The following TRIQK variants were observed in gnomAD, a reference collection of about 807,000 sequenced individuals.
TRIQK encodes the protein triple QxxK/R motif-containing protein.
A neutral mutation model predicts 10.8 loss-of-function variants in TRIQK; 10 were observed. That is an observed-to-expected ratio of 0.92 (90% confidence interval 0.57 to 1.57). The LOEUF (loss-of-function observed/expected upper bound fraction) is 1.57. Among genes scored for constraint, TRIQK ranks in the 40% most tolerant of loss-of-function variants. TRIQK has a pLI of 0.00. For missense variants in TRIQK, 107 were observed against 97.7 expected, an observed-to-expected ratio of 1.09 and a Z score of -0.40; for synonymous variants, 33 against 33.7, an observed-to-expected ratio of 0.98 and a Z score of 0.07.
intron 1 of TRIQK, among the ~76,000 whole-genome samples, chr8:92,990,713 A>C (rs1356751475): frequency 1.3e-5 from 2 of 152,022 alleles, no homozygotes; most frequent in South Asian, 2.1e-4. Context: ...AGGATGGTGC[A>C]CTCCGGCCCC....
chr8:92,959,521 AC>A (rs1193182675), intron 1 of TRIQK, among the ~76,000 whole-genome samples: 1 of 146,986 alleles, frequency 6.8e-6, no homozygotes, highest in Non-Finnish European at 1.5e-5. Context: ...ACACACACAC[AC>A]AAAATGGCTT....
rs138613795 is a variant in TRIQK at position 92,961,375 on chromosome 8, G to GA, written c.-181+4631dup. 2.9e-4 allele frequency among the ~76,000 whole-genome samples: 43 copies of GA among 148,780 alleles called. 1 individual carries two copies. Among genetic ancestry groups the GA allele is most frequent in the East Asian group, 2.7e-3 (14 of 5,106 alleles). On this transcript the variant is annotated intron_variant, in intron 1 of 4. Transcript: ENST00000521988. ...TTTTAAAACTGTACCTTCCCATCCT[G>GA]AAAAAAAAAATCTGATATACCTCCT...
intron 1 of TRIQK, among the ~76,000 whole-genome samples, chr8:92,986,655 G>A (rs1030460069): frequency 2.1e-4 from 32 of 152,164 alleles, no homozygotes; most frequent in African/African-American, 7.0e-4. Flanking sequence ...ATACTTTCTC[G>A]GGGCCAAATC....
intron 3 of TRIQK, among the ~76,000 whole-genome samples, chr8:92,896,113 T>G (rs1036184189): frequency 2.6e-5 from 4 of 152,096 alleles, no homozygotes; most frequent in Admixed American, 1.3e-4. Context: ...AAGGGCAACA[T>G]CTCCAGAGAG....
At chr8:92,899,986 A>C (rs1408858383) in intron 3 of TRIQK, among the ~76,000 whole-genome samples, 3 of 151,998 alleles carry the variant, frequency 2.0e-5, no homozygotes, top group Non-Finnish European at 4.4e-5. Flanking sequence ...TTTGATTTTC[A>C]TTTCTCTAAT....
chr8:93,006,726 G>A (rs887067998), intron 1 of TRIQK, among the ~76,000 whole-genome samples: 10 of 152,156 alleles, frequency 6.6e-5, no homozygotes, highest in Middle Eastern at 3.2e-3. Flanking sequence ...CCAGCACAGC[G>A]GCTGTGGCCC....
intron 1 of TRIQK, among the ~76,000 whole-genome samples, chr8:93,017,110 GGAGAGAGAGAGAGAGAGA>G (rs3062508): frequency 0.03 from 2,777 of 93,366 alleles, 70 homozygotes; most frequent in Non-Finnish European, 0.032. Flanking sequence ...ATATATACTT[GGAGAGAGAGAGAGAGAGA>G]GAGAGAGAGA....
rs537734890 is a variant in TRIQK at position 92,913,432 on chromosome 8, A to C, written c.61+3497T>G. Among the ~76,000 whole-genome samples the C allele has an allele frequency of 1.7e-3, 258 of 152,252 alleles. 2 individuals are homozygous for C. The highest frequency in any genetic ancestry group is 5.8e-3 in the African/African-American group (243 of 41,578). ...AACCACAGTGAGACACCATCTCATG[A>C]CAGTCAGAATGGCAATCATTAAAAA... On this transcript the variant is annotated intron_variant, in intron 3 of 4. Coordinates refer to ENST00000521988, the MANE Select transcript of TRIQK (RefSeq NM_001171797.2).
chr8:92,961,600 C>T (rs185952415), intron 1 of TRIQK, among the ~76,000 whole-genome samples: 65 of 152,336 alleles, frequency 4.3e-4, no homozygotes, highest in African/African-American at 1.5e-3. Context: ...CAATACAGTG[C>T]ACCTTCCACC....
At chr8:92,953,194 T>C (rs1163665832) in intron 2 of TRIQK, among the ~76,000 whole-genome samples, 1 of 152,022 alleles carries the variant, frequency 6.6e-6, no homozygotes, top group Non-Finnish European at 1.5e-5. Context: ...ATCCATTTCC[T>C]TTGTAAACTA....
chr8:93,010,858 C>T (rs896918741), intron 1 of TRIQK, among the ~76,000 whole-genome samples: 4 of 152,082 alleles, frequency 2.6e-5, no homozygotes, highest in Admixed American at 6.5e-5. Context: ...TAATTGTACA[C>T]ATATATGCTT....
At chr8:92,927,317 T>C (rs13439759) in intron 2 of TRIQK, among the ~76,000 whole-genome samples, 35,777 of 151,926 alleles carry the variant, frequency 0.24, 4,975 homozygotes, top group African/African-American at 0.39. Flanking sequence ...CTTGATGTTC[T>C]ACGGTATCTA....
intron 1 of TRIQK, among the ~76,000 whole-genome samples, chr8:93,008,698 G>A (rs1289190592): frequency 1.3e-5 from 2 of 152,120 alleles, no homozygotes; most frequent in Non-Finnish European, 2.9e-5. Context: ...ACACCCAACC[G>A]ATTTTCCATA....
chr8:92,986,764 G>A (rs1366963199), intron 1 of TRIQK, among the ~76,000 whole-genome samples: 1 of 152,138 alleles, frequency 6.6e-6, no homozygotes, highest in African/African-American at 2.4e-5. Flanking sequence ...CAAAATCGAT[G>A]TTCTGCAATG....
At chr8:92,910,292 T>C (rs997187507) in intron 3 of TRIQK, among the ~76,000 whole-genome samples, 6 of 151,268 alleles carry the variant, frequency 4.0e-5, no homozygotes, top group Non-Finnish European at 4.4e-5. Context: ...GATATTAATA[T>C]ACTTTATTAA....
intron 1 of TRIQK, among the ~76,000 whole-genome samples, chr8:92,992,147 A>T (rs1371496461): frequency 6.6e-6 from 1 of 152,072 alleles, no homozygotes; most frequent in Non-Finnish European, 1.5e-5. Flanking sequence ...CTCTGCTTGT[A>T]CCCTTCTCTG....
At chr8:93,004,613 G>A (rs1222284623) in intron 1 of TRIQK, among the ~76,000 whole-genome samples, 1 of 152,196 alleles carries the variant, frequency 6.6e-6, no homozygotes, top group Admixed American at 6.5e-5. Context: ...TTCCAAACTT[G>A]TATGCTCTTC....
At chr8:93,001,134 C>T (rs1037810289) in intron 1 of TRIQK, among the ~76,000 whole-genome samples, 2 of 151,762 alleles carry the variant, frequency 1.3e-5, no homozygotes, top group African/African-American at 2.4e-5. Flanking sequence ...GGTGAAACCC[C>T]GTCTCTACTA....
At chr8:92,926,861 T>C (rs1262721409) in intron 2 of TRIQK, among the ~76,000 whole-genome samples, 2 of 152,070 alleles carry the variant, frequency 1.3e-5, no homozygotes, top group Non-Finnish European at 2.9e-5. Flanking sequence ...CTGGAATTAA[T>C]GCTGTGGAGG....
Sources: gnomAD v4.1 joint callset for allele counts (sites outside exome capture counted in the v4.1 genomes callset) on GRCh38, gnomAD v4.1.1 for gene constraint, MANE v1.5 for transcripts, NCBI Gene and HGNC (gene_info 2026-07-23, HGNC 2026-07-21) for gene names.